CSN3: variants seen among roughly 807,000 people sequenced by gnomAD.
CSN3 encodes the protein casein kappa.
CSN3 carries 7 observed loss-of-function variants against 9.9 expected under a neutral mutation model. That is an observed-to-expected ratio of 0.71 (90% CI 0.40 to 1.33). The LOEUF (loss-of-function observed/expected upper bound fraction) is 1.33. CSN3 is among the 40% of genes most tolerant of loss of function. CSN3 has a pLI of 0.01. For missense variants in CSN3, 253 were observed against 227.9 expected (o/e 1.11, Z -0.71); for synonymous variants, 88 against 82.3 (o/e 1.07, Z -0.37).
intron 2 of CSN3, among the ~76,000 whole-genome samples, 157 bp downstream of exon 2, chr4:70,245,030 T>C (rs41292335): frequency 0.11 from 17,233 of 152,050 alleles, 1,287 homozygotes; most frequent in East Asian, 0.27. Context: ...TATTTATTTC[T>C]ATTATGAAAT....
At chr4:70,248,872 G>T in intron 3 of CSN3, 126 bp from the exon 4 acceptor site, 1 of 536,054 alleles carries the variant, frequency 1.9e-6, no homozygotes. Context: ...TATTGCTGCT[G>T]GGTTCCATAC....
Position 70,247,811 on chromosome 4 carries a change from TC to T in CSN3, c.55-3del. ...TTCTCATTATTTCTTCTTCTGGAACTCCCCAGGCTGTGGAGGTTCAAAACCA... is the reference window on the plus strand; with the variant it reads ...TTCTCATTATTTCTTCTTCTGGAACTCCCAGGCTGTGGAGGTTCAAAACCA... On this transcript the variant is annotated splice_region_variant and splice_polypyrimidine_tract_variant and intron_variant, in intron 2 of 4. Transcript: ENST00000304954. 3 of 1,584,118 alleles carry T rather than the reference TC, an allele frequency of 1.9e-6. No individual in the cohort carries two copies. The highest frequency in any genetic ancestry group is 1.9e-5 in the Admixed American group (1 of 53,480).
upstream of CSN3, among the ~76,000 whole-genome samples, chr4:70,239,787 G>A (rs1291985675): frequency 6.6e-6 from 1 of 151,952 alleles, no homozygotes; most frequent in Non-Finnish European, 1.5e-5. Flanking sequence ...GTGGCTACAG[G>A]AGAGTAAAAT....
upstream of CSN3, among the ~76,000 whole-genome samples, chr4:70,240,848 T>A (rs1354820419): frequency 1.3e-5 from 2 of 151,914 alleles, no homozygotes; most frequent in African/African-American, 4.8e-5. Flanking sequence ...CCTGAAATAT[T>A]GTATGTGCTC....
At chr4:70,247,497 G>C (rs1730403602) in intron 2 of CSN3, among the ~76,000 whole-genome samples, 1 of 151,936 alleles carries the variant, frequency 6.6e-6, no homozygotes, top group Non-Finnish European at 1.5e-5. Flanking sequence ...AAACTAAATA[G>C]AAATTATTCA....
chr4:70,243,134 A>G, intron 1 of CSN3: 2 of 909,638 alleles, frequency 2.2e-6, no homozygotes, highest in Non-Finnish European at 2.6e-6. Flanking sequence ...CTACCATTTC[A>G]CGAATTATTT....
rs746268983 is a variant in CSN3 at position 70,249,130 on chromosome 4, C to T, written c.220C>T (p.Pro74Ser). ...TAGACCAGCTATAGCAATTAATAAT[C>T]CATATGTGCCTCGCACATATTATGC... The change falls in exon 4 of 5, where the codon CCA (proline) becomes TCA (serine). Residue 74 changes from proline (P) to serine (S), a missense_variant. Physicochemically the swap from Pro to Ser is moderately conservative, Grantham distance 74. Transcript: ENST00000304954. 1 of 1,614,024 alleles carries T rather than the reference C, an allele frequency of 6.2e-7. No homozygotes were observed. The highest frequency in any genetic ancestry group is 8.5e-7 in the Non-Finnish European group (1 of 1,179,938).
chr4:70,242,116 G>A (rs78892586), upstream of CSN3, among the ~76,000 whole-genome samples: 1,366 of 151,778 alleles, frequency 9.0e-3, 25 homozygotes, highest in African/African-American at 0.031. Flanking sequence ...TTCAACAGCA[G>A]TTTTAAGTTT....
At position 70,249,076 on chromosome 4, in the gene CSN3, C is replaced by A. The variant is rs150281469; in HGVS notation, c.166C>A (p.Pro56Thr). 780 of 1,613,832 alleles carry A rather than the reference C, an allele frequency of 4.8e-4. 1 individual carries two copies. Among genetic ancestry groups the A allele is most frequent in the Admixed American group, 6.8e-4 (41 of 59,986 alleles). Residue 56 changes from proline (P) to threonine (T), a missense_variant, in exon 4 of 5, where the codon CCT becomes ACT. Physicochemically the swap from Pro to Thr is conservative, Grantham distance 38 (BLOSUM62 -1). Transcript: ENST00000304954. ...AATGTATTATGTGCCAAATAGCTAT[C>A]CTTATTATGGAACCAATTTGTACCA... is the stretch of plus-strand genomic sequence containing the variant.
chr4:70,246,319 C>G (rs764656505), intron 2 of CSN3, among the ~76,000 whole-genome samples: 4 of 152,050 alleles, frequency 2.6e-5, no homozygotes, highest in Non-Finnish European at 5.9e-5. Context: ...AGAATCAAAT[C>G]TCATTTGTGA....
intron 4 of CSN3, 123 bp downstream of exon 4, chr4:70,249,616 G>C (rs1730447197): frequency 3.1e-6 from 2 of 635,388 alleles, no homozygotes; most frequent in Non-Finnish European, 5.3e-6. Context: ...GACAAAACAG[G>C]GTACTTACAG....
At chr4:70,240,821 A>G (rs1356660153), upstream of CSN3, among the ~76,000 whole-genome samples, 1 of 151,986 alleles carries the variant, frequency 6.6e-6, no homozygotes, top group Non-Finnish European at 1.5e-5. Context: ...TATGTGCTCA[A>G]AGAATAATGT....
chr4:70,247,935 G>C (rs1280534510), intron 3 of CSN3, 85 bp downstream of exon 3: 2 of 900,680 alleles, frequency 2.2e-6, no homozygotes, highest in East Asian at 2.8e-5. Flanking sequence ...GATGCCTTCT[G>C]TCTAAAACCT....
intron 1 of CSN3, among the ~76,000 whole-genome samples, chr4:70,244,220 T>C (rs1302673969): frequency 1.3e-5 from 2 of 152,128 alleles, no homozygotes; most frequent in Non-Finnish European, 2.9e-5. Context: ...ATCATTATCT[T>C]AAAGGTGTCT....
intron 1 of CSN3, 24 bp from the exon 2 acceptor site, chr4:70,244,788 A>AT (rs140888032): frequency 1.5e-4 from 203 of 1,387,566 alleles, no homozygotes; most frequent in East Asian, 2.3e-4. Context: ...TTTTAAATTA[A>AT]TTTTTTTTTA....
In CSN3 at chr4:70,246,677, T is replaced by C. The variant is rs968288732; in HGVS notation, c.55-1141T>C. 2.7e-3 allele frequency among the ~76,000 whole-genome samples: 407 copies of C among 149,904 alleles called. 1 individual carries two copies. The highest frequency in any genetic ancestry group is 9.1e-3 in the African/African-American group (373 of 41,090). On this transcript the variant is annotated intron_variant, in intron 2 of 4. Transcript: ENST00000304954. ...TACAATATTCATATTACTTCTTTTT[T>C]TTTTTTTTTTTTGAGACAGAGTCTC...
At chr4:70,251,170 G>A (rs1730474927) in intron 4 of CSN3, 92 bp from the exon 5 acceptor site, 1 of 152,078 alleles carries the variant, frequency 6.6e-6, no homozygotes, top group African/African-American at 2.4e-5. Flanking sequence ...ATACAGACAT[G>A]AAAGAAAAAT....
exon 4 of CSN3, chr4:70,249,172 A>G: frequency 6.2e-7 from 1 of 1,614,112 alleles, no homozygotes; most frequent in Non-Finnish European, 8.5e-7. Context: ...AGCTGTAGTT[A>G]GGCCACATGC....
At chr4:70,249,539 G>A in intron 4 of CSN3, 46 bp downstream of exon 4, 2 of 1,100,388 alleles carry the variant, frequency 1.8e-6, no homozygotes, top group Non-Finnish European at 2.6e-6. Flanking sequence ...AAGAAGCATG[G>A]ATTTATGAAT....
Sources: gnomAD v4.1 joint callset for allele counts (sites outside exome capture counted in the v4.1 genomes callset) on GRCh38, gnomAD v4.1.1 for gene constraint, MANE v1.5 for transcripts, NCBI Gene and HGNC (gene_info 2026-07-23, HGNC 2026-07-21) for gene names.